Variants in AADACL4 observed in about 807,000 individuals in gnomAD.
The protein encoded by AADACL4 is arylacetamide deacetylase like 4, also known as arylacetamide deacetylase-like 4.
Under a neutral mutation model 14.1 loss-of-function variants are expected in AADACL4, and 9 were observed. The observed-to-expected ratio is 0.64, with a 90% CI of 0.39 to 1.12. The LOEUF (loss-of-function observed/expected upper bound fraction) is 1.12, where lower values mean the gene tolerates loss of function less well. Ranked by LOEUF, AADACL4 falls within the 50% of genes most tolerant of loss-of-function variation. The pLI is 0.01. For missense variants in AADACL4, 531 were observed against 516.1 expected, an observed-to-expected ratio of 1.03 and a Z score of -0.28; for synonymous variants, 188 against 201.6, an observed-to-expected ratio of 0.93 and a Z score of 0.57.
At chr1:12,647,330 T>C (rs904723348) in intron 1 of AADACL4, among the ~76,000 whole-genome samples, 10 of 152,054 alleles carry the variant, frequency 6.6e-5, no homozygotes, top group Non-Finnish European at 1.5e-4. Flanking sequence ...AACTCCTGGA[T>C]TCAAGCAATC....
intron 1 of AADACL4, among the ~76,000 whole-genome samples, chr1:12,645,719 C>G (rs561396930): frequency 6.6e-6 from 1 of 151,982 alleles, no homozygotes; most frequent in South Asian, 2.1e-4. Flanking sequence ...AATTTTTGTA[C>G]TTTTGGTAGA....
chr1:12,646,574 C>A (rs1305009584), intron 1 of AADACL4, among the ~76,000 whole-genome samples: 2 of 152,212 alleles, frequency 1.3e-5, no homozygotes, highest in Admixed American at 6.5e-5. Context: ...CCAGTGGCTG[C>A]AATCCACATG....
intron 2 of AADACL4, among the ~76,000 whole-genome samples, chr1:12,659,467 A>G (rs940421255): frequency 6.6e-6 from 1 of 152,210 alleles, no homozygotes; most frequent in Non-Finnish European, 1.5e-5. Flanking sequence ...TCAGGCTCCA[A>G]ATTCAGAGGA....
rs1647108931 is a variant in AADACL4 at position 12,645,979 on chromosome 1, T to C, written c.168+1265T>C. Among the ~76,000 whole-genome samples, 4 of 152,318 alleles carry C rather than the reference T, an allele frequency of 2.6e-5. No homozygotes were observed. The South Asian group carries it at 8.3e-4, about 32-fold the overall frequency. On this transcript the variant is annotated intron_variant, in intron 1 of 3. Transcript: ENST00000376221. The stretch of plus-strand genomic sequence containing the variant: ...CTGAGTGGCCGTGCCAGCCAGGCTC[T>C]GAGCAGGGCTTGGGGATTGGGGGTT...
At chr1:12,657,139 T>C (rs564503270) in intron 2 of AADACL4, among the ~76,000 whole-genome samples, 33 of 61,730 alleles carry the variant, frequency 5.3e-4, no homozygotes, top group African/African-American at 3.4e-3. Context: ...AAAGACTGTC[T>C]CAAAAAAAAA....
intron 3 of AADACL4, among the ~76,000 whole-genome samples, chr1:12,664,670 A>G (rs1647283790): frequency 6.6e-6 from 1 of 152,188 alleles, no homozygotes; most frequent in Non-Finnish European, 1.5e-5. Flanking sequence ...GATGTTTTCA[A>G]TGATAGATTG....
chr1:12,646,609 C>T (rs1275206541), intron 1 of AADACL4, among the ~76,000 whole-genome samples: 1 of 152,154 alleles, frequency 6.6e-6, no homozygotes, highest in Admixed American at 6.5e-5. Context: ...GTTAGAGCCC[C>T]AGGATTTAAA....
intron 1 of AADACL4, among the ~76,000 whole-genome samples, chr1:12,645,582 G>T (rs1647106553): frequency 6.6e-6 from 1 of 152,034 alleles, no homozygotes; most frequent in African/African-American, 2.4e-5. Flanking sequence ...TTGCTCTGTT[G>T]CCCAGGCTGG....
intron 2 of AADACL4, among the ~76,000 whole-genome samples, chr1:12,658,629 G>A (rs1647202774): frequency 6.6e-6 from 1 of 152,020 alleles, no homozygotes; most frequent in Non-Finnish European, 1.5e-5. Context: ...TCTTATCTAA[G>A]AACTCTCCTT....
intron 2 of AADACL4, among the ~76,000 whole-genome samples, chr1:12,658,603 T>C (rs551448020): frequency 6.6e-6 from 1 of 152,280 alleles, no homozygotes; most frequent in African/African-American, 2.4e-5. Context: ...TATTCCTGTC[T>C]CAGCCTCCCT....
In AADACL4 at chr1:12,664,654, G is replaced by A. The variant is rs117718243; in HGVS notation, c.450-1307G>A. 2.6e-5 allele frequency among the ~76,000 whole-genome samples: 4 copies of A among 152,168 alleles called. No individual in the cohort carries two copies. The East Asian group carries it at 5.8e-4, about 22-fold the overall frequency. ...GGATTACAGGCGTAAGCCACCGCCC[G>A]GCCTTGATGTTTTCAATGATAGATT... On this transcript the variant is annotated intron_variant, in intron 3 of 3. Coordinates refer to ENST00000376221, the MANE Select transcript of AADACL4 (RefSeq NM_001013630.2).
intron 3 of AADACL4, among the ~76,000 whole-genome samples, chr1:12,665,230 G>A (rs559150772): frequency 1.3e-5 from 2 of 151,444 alleles, no homozygotes; most frequent in African/African-American, 2.4e-5. Context: ...ATTTTTTTTC[G>A]TTTTGTTTTT....
At chr1:12,645,696 A>AC (rs1557546545) in intron 1 of AADACL4, among the ~76,000 whole-genome samples, 1 of 151,818 alleles carries the variant, frequency 6.6e-6, no homozygotes, top group Non-Finnish European at 1.5e-5. Flanking sequence ...GGTGCGCACC[A>AC]CCATGCCCGG....
chr1:12,663,485 C>T (rs1466821318), intron 3 of AADACL4, among the ~76,000 whole-genome samples: 2 of 152,104 alleles, frequency 1.3e-5, no homozygotes, highest in Non-Finnish European at 2.9e-5. Flanking sequence ...GAGGGCTCCA[C>T]CCTCATGACC....
intron 2 of AADACL4, among the ~76,000 whole-genome samples, chr1:12,660,713 G>T (rs1013447816): frequency 6.6e-6 from 1 of 151,862 alleles, no homozygotes; most frequent in Non-Finnish European, 1.5e-5. Flanking sequence ...GCATGATCTC[G>T]GCTCACTGCA....
intron 2 of AADACL4, among the ~76,000 whole-genome samples, chr1:12,659,625 A>G (rs191804325): frequency 6.6e-6 from 1 of 152,352 alleles, no homozygotes; most frequent in East Asian, 1.9e-4. Context: ...TGCAAGTGAA[A>G]AATAGAAGCC....
Position 12,666,736 on chromosome 1 carries a change from T to C in AADACL4, c.*1T>C, listed in dbSNP as rs1275039248. 4.3e-5 allele frequency: 68 copies of C among 1,596,218 alleles called. No homozygotes were observed. In the Admixed American group the frequency reaches 1.1e-3, roughly 26 times the overall value. ...AGTCAGTTATATAAAGGGCATATGA[T>C]AGTAACCCTGGGGCCCCGAGGAGGA... is the stretch of plus-strand genomic sequence containing the variant. On this transcript the variant is annotated 3_prime_UTR_variant, in exon 4 of 4. Transcript: ENST00000376221.
In AADACL4 at chr1:12,649,021, A is replaced by G. The variant is rs142466087; in HGVS notation, c.169-2102A>G. Among the ~76,000 whole-genome samples, 569 of 152,312 alleles carry G rather than the reference A, an allele frequency of 3.7e-3. 5 individuals carry two copies. Among genetic ancestry groups the G allele is most frequent in the African/African-American group, 0.013 (541 of 41,580 alleles). Reference sequence around the variant, plus strand: ...GGGGAAGGTGCTGAGACCTTTGCTCATGAGAAGCATTTGGTTTGGTGGTAG... The same window carrying G: ...GGGGAAGGTGCTGAGACCTTTGCTCGTGAGAAGCATTTGGTTTGGTGGTAG... On this transcript the variant is annotated intron_variant, in intron 1 of 3. Transcript: ENST00000376221.
chr1:12,654,326 T>C (rs976914520), intron 2 of AADACL4, among the ~76,000 whole-genome samples: 42 of 152,204 alleles, frequency 2.8e-4, no homozygotes, highest in African/African-American at 9.2e-4. Context: ...CAATTAGAGG[T>C]TGCAGTCTTT....
Sources: gnomAD v4.1 joint callset for allele counts (sites outside exome capture counted in the v4.1 genomes callset) on GRCh38, gnomAD v4.1.1 for gene constraint, MANE v1.5 for transcripts, NCBI Gene and HGNC (gene_info 2026-07-23, HGNC 2026-07-21) for gene names.